Variants in PCSK5 observed in about 807,000 individuals in gnomAD.
The protein encoded by PCSK5 is proprotein convertase subtilisin/kexin type 5.
A neutral mutation model predicts 233.2 loss-of-function variants in PCSK5; 129 were observed. That is an observed-to-expected ratio of 0.55 (90% CI 0.48 to 0.64). The LOEUF is 0.64. Among genes scored for constraint, PCSK5 ranks in the 30% least tolerant of loss-of-function variants. PCSK5 has a pLI of 0.00. For synonymous variants in PCSK5, 825 were observed against 879.2 expected (o/e 0.94, Z 1.09); for missense variants, 2,076 against 2,430.1 (o/e 0.85, Z 3.06).
intron 9 of PCSK5, among the ~76,000 whole-genome samples, chr9:76,115,125 C>A (rs76538890): frequency 2.3e-3 from 352 of 152,020 alleles, no homozygotes; most frequent in African/African-American, 8.0e-3. Context: ...AAATAGATAC[C>A]CTTTATTCTC....
At chr9:75,920,060 T>C (rs1275199626) in intron 1 of PCSK5, among the ~76,000 whole-genome samples, 1 of 152,020 alleles carries the variant, frequency 6.6e-6, no homozygotes, top group East Asian at 1.9e-4. Context: ...TCCCAACTAC[T>C]TGGGAGGCTG....
rs907833753 is a variant in PCSK5, at chr9:76,079,784, C to T, written c.894+7886C>T. On this transcript the variant is annotated intron_variant, in intron 7 of 37. Coordinates refer to ENST00000674117, the MANE Select transcript of PCSK5 (RefSeq NM_001372043.1). ...GGTTCCAGCTTTTGACTGTTCAGTGCCTTGTTGGCTGTGAGTTTGTCATAG... is the reference window on the plus strand; with the variant it reads ...GGTTCCAGCTTTTGACTGTTCAGTGTCTTGTTGGCTGTGAGTTTGTCATAG... Among the ~76,000 whole-genome samples the T allele has an allele frequency of 4.6e-5, 7 of 152,128 alleles. No individual in the cohort carries two copies. The South Asian group carries it at 1.5e-3, about 32-fold the overall frequency.
chr9:76,148,761 C>T (rs1823553611), intron 10 of PCSK5, among the ~76,000 whole-genome samples: 1 of 152,214 alleles, frequency 6.6e-6, no homozygotes, highest in Admixed American at 6.5e-5. Context: ...TTTATGATCT[C>T]ACATGCCTGC....
At chr9:76,212,104 T>C (rs1825351000) in intron 20 of PCSK5, among the ~76,000 whole-genome samples, 2 of 152,152 alleles carry the variant, frequency 1.3e-5, no homozygotes, top group South Asian at 4.1e-4. Flanking sequence ...TCTCTTCGTG[T>C]GAGTTTTATG....
intron 1 of PCSK5, among the ~76,000 whole-genome samples, chr9:75,892,836 A>G (rs2131177422): frequency 6.6e-6 from 1 of 152,342 alleles, no homozygotes; most frequent in East Asian, 1.9e-4. Flanking sequence ...CAGAGAAGCC[A>G]GCCCTGTGGA....
chr9:76,081,313 G>A (rs1830825043), intron 7 of PCSK5, among the ~76,000 whole-genome samples: 1 of 152,040 alleles, frequency 6.6e-6, no homozygotes, highest in Non-Finnish European at 1.5e-5. Context: ...AATTAGCTGG[G>A]CGTGGTAGCC....
chr9:76,283,658 T>C (rs1827955307), intron 24 of PCSK5, among the ~76,000 whole-genome samples: 1 of 152,232 alleles, frequency 6.6e-6, no homozygotes, highest in African/African-American at 2.4e-5. Flanking sequence ...GCCTGTAGTA[T>C]ACTATTTTAA....
At chr9:76,127,646 A>T (rs1470814127) in intron 9 of PCSK5, among the ~76,000 whole-genome samples, 1 of 152,256 alleles carries the variant, frequency 6.6e-6, no homozygotes, top group Admixed American at 6.5e-5. Context: ...AACATTGCAG[A>T]AAACTTAGCC....
chr9:76,020,840 C>T (rs1429802813), intron 3 of PCSK5, among the ~76,000 whole-genome samples: 2 of 152,190 alleles, frequency 1.3e-5, no homozygotes, highest in African/African-American at 4.8e-5. Context: ...TTTCCTTCCT[C>T]CGGCCCACCT....
At chr9:76,068,116 T>A in intron 6 of PCSK5, 73 bp downstream of exon 6, 2 of 1,039,506 alleles carry the variant, frequency 1.9e-6, no homozygotes, top group Non-Finnish European at 1.5e-6. Flanking sequence ...TTCAGAATCC[T>A]TTTTAAATGG....
At chr9:75,973,892 G>C (rs749070271) in intron 2 of PCSK5, among the ~76,000 whole-genome samples, 25 of 152,160 alleles carry the variant, frequency 1.6e-4, no homozygotes, top group Non-Finnish European at 2.9e-4. Context: ...ACTGGTGATA[G>C]GTACCTTCCT....
chr9:76,006,114 C>T (rs1231425202), intron 3 of PCSK5, among the ~76,000 whole-genome samples: 1 of 151,692 alleles, frequency 6.6e-6, no homozygotes, highest in Non-Finnish European at 1.5e-5. Flanking sequence ...AATGGCATCT[C>T]TGTGTGTTTT....
At chr9:75,982,408 C>T (rs1467736832) in intron 2 of PCSK5, among the ~76,000 whole-genome samples, 1 of 152,178 alleles carries the variant, frequency 6.6e-6, no homozygotes, top group Non-Finnish European at 1.5e-5. Flanking sequence ...GTACACGTTT[C>T]CATTCCCCTC....
At chr9:76,250,671 G>A (rs887324198) in intron 24 of PCSK5, among the ~76,000 whole-genome samples, 1 of 152,174 alleles carries the variant, frequency 6.6e-6, no homozygotes, top group Non-Finnish European at 1.5e-5. Flanking sequence ...TGTCACAGCC[G>A]AAAGGAGCCT....
At chr9:76,325,897 A>C (rs1829346886) in intron 32 of PCSK5, among the ~76,000 whole-genome samples, 1 of 152,036 alleles carries the variant, frequency 6.6e-6, no homozygotes, top group Admixed American at 6.6e-5. Flanking sequence ...TCTGCCTCCC[A>C]AAGTGCTGGG....
intron 20 of PCSK5, among the ~76,000 whole-genome samples, chr9:76,197,708 C>A (rs1156442706): frequency 6.6e-6 from 1 of 151,978 alleles, no homozygotes; most frequent in African/African-American, 2.4e-5. Context: ...AATACCCCCC[C>A]TCCTTCTGTC....
At chr9:75,955,298 A>G (rs1378049316) in intron 2 of PCSK5, among the ~76,000 whole-genome samples, 2 of 152,178 alleles carry the variant, frequency 1.3e-5, no homozygotes, top group East Asian at 3.9e-4. Context: ...GAAGGGGGAA[A>G]GGAACAATGA....
chr9:75,905,973 T>G (rs865984405), intron 1 of PCSK5, among the ~76,000 whole-genome samples: 4 of 152,208 alleles, frequency 2.6e-5, no homozygotes, highest in African/African-American at 9.6e-5. Flanking sequence ...GTAAAGCTGT[T>G]AAAATAGTTA....
chr9:76,112,351 G>A (rs941674304), intron 9 of PCSK5, among the ~76,000 whole-genome samples: 1 of 152,000 alleles, frequency 6.6e-6, no homozygotes, highest in Non-Finnish European at 1.5e-5. Flanking sequence ...ATATCTCAGA[G>A]GCCACAAGAA....
Sources: allele counts gnomAD v4.1 joint callset (sites outside exome capture counted in the v4.1 genomes callset), GRCh38; gene constraint gnomAD v4.1.1; transcripts MANE v1.5; gene names NCBI Gene and HGNC (gene_info 2026-07-23, HGNC 2026-07-21).